Variants in P4HA1 observed in about 807,000 individuals in gnomAD.
The protein encoded by P4HA1 is prolyl 4-hydroxylase subunit alpha 1, also known as prolyl 4-hydroxylase subunit alpha-1.
P4HA1 carries 24 observed loss-of-function variants against 72.8 expected under a neutral mutation model. The observed-to-expected ratio is 0.33, with a 90% CI of 0.24 to 0.46. The LOEUF (loss-of-function observed/expected upper bound fraction) is 0.46, where lower values mean the gene tolerates loss of function less well. Ranked by LOEUF, P4HA1 falls within the 20% of genes least tolerant of loss-of-function variation. P4HA1 has a pLI of 1.00. For missense variants in P4HA1, 446 were observed against 640.6 expected (o/e 0.70, Z 3.28); for synonymous variants, 201 against 218.8 (o/e 0.92, Z 0.72).
rs200080730 is a variant in P4HA1, at chr10:73,058,119, AG to A, written c.464-4530del. ...AAAAAAAAAAAAAAAAAAAAAAAAAAGGTGAATAAAGACAACATTGATAGGG... is the reference window on the plus strand; with the variant it reads ...AAAAAAAAAAAAAAAAAAAAAAAAAAGTGAATAAAGACAACATTGATAGGG... On this transcript the variant is annotated intron_variant, in intron 5 of 14. Transcript: ENST00000394890. 1.7e-4 allele frequency among the ~76,000 whole-genome samples: 22 copies of A among 133,204 alleles called. 3 individuals are homozygous for A. Among genetic ancestry groups the A allele is most frequent in the African/African-American group, 7.3e-4 (20 of 27,318 alleles). 87.4% of individuals were successfully genotyped at this position (133,204 alleles called of 152,430 possible). A position where few individuals can be genotyped will look rare whatever the true frequency, so the allele number is the denominator to read the frequency against.
At chr10:73,023,181 A>G (rs1243149531) in intron 10 of P4HA1, among the ~76,000 whole-genome samples, 4 of 152,180 alleles carry the variant, frequency 2.6e-5, no homozygotes, top group African/African-American at 9.7e-5. Flanking sequence ...AGCAACCACA[A>G]GACACGTAAT....
At chr10:73,074,069 C>A (rs928649546) in intron 2 of P4HA1, 1 of 449,420 alleles carries the variant, frequency 2.2e-6, no homozygotes, top group Middle Eastern at 6.1e-4. Context: ...ACTGTGCTAG[C>A]AAATTGTCTT....
At chr10:73,082,225 T>C (rs1338296680) in intron 1 of P4HA1, among the ~76,000 whole-genome samples, 1 of 152,178 alleles carries the variant, frequency 6.6e-6, no homozygotes, top group Non-Finnish European at 1.5e-5. Flanking sequence ...CTTACAGTAT[T>C]TTCAACTTAC....
chr10:73,089,821 AG>A (rs1184283443), intron 1 of P4HA1, among the ~76,000 whole-genome samples: 1 of 151,982 alleles, frequency 6.6e-6, no homozygotes, highest in Non-Finnish European at 1.5e-5. Context: ...GGATACAGAG[AG>A]GGTAGTAAGG....
Position 73,027,825 on chromosome 10 carries a change from AGAGAGAGGAAGGAAGGGAGG to A in P4HA1, c.1248+2426_1248+2445del, listed in dbSNP as rs1250313789. Among the ~76,000 whole-genome samples the A allele has an allele frequency of 5.1e-5, 6 of 117,040 alleles. No individual in the cohort carries two copies. The East Asian group carries it at 8.8e-4, about 17-fold the overall frequency. The allele number at this position is 117,040 out of a possible 152,430, so 76.8% of individuals were successfully genotyped here. ...GGAAATATGGAAGGAAGGAAGGGAGAGAGAGAGGAAGGAAGGGAGGGAGAGAGGAGGGGAGGGAGGGAGAG... is the reference window on the plus strand; with the variant it reads ...GGAAATATGGAAGGAAGGAAGGGAGAGAGAGAGGAGGGGAGGGAGGGAGAG... On this transcript the variant is annotated intron_variant, in intron 10 of 14. Coordinates refer to ENST00000394890, the MANE Select transcript of P4HA1 (RefSeq NM_001017962.3).
At position 73,046,939 on chromosome 10, in the gene P4HA1, G is replaced by A. The variant is rs201204338; in HGVS notation, c.1063C>T (p.Leu355=). The stretch of plus-strand genomic sequence containing the variant: ...ACATTATTTACCCTTGGTTTTGCTA[G>A]GTCTTTGACGATTTCAATTTCTGCA... ...SDAEIEIVKD[L]AKPRLRRATI... Residue 355 remains leucine (L), a synonymous_variant, in exon 8 of 15, where the codon CTA becomes TTA. Coordinates refer to ENST00000394890, the MANE Select transcript of P4HA1 (RefSeq NM_001017962.3). The A allele has an allele frequency of 7.0e-5, 112 of 1,607,272 alleles. 4 individuals are homozygous for A. The South Asian group carries it at 1.2e-3, about 17-fold the overall frequency.
intron 10 of P4HA1, among the ~76,000 whole-genome samples, chr10:73,017,248 T>C (rs1024897947): frequency 1.3e-5 from 2 of 150,156 alleles, no homozygotes; most frequent in African/African-American, 5.0e-5. Flanking sequence ...TATCTATATC[T>C]ACAGATGTAT....
At chr10:73,017,869 A>C (rs1840044916) in intron 10 of P4HA1, among the ~76,000 whole-genome samples, 1 of 152,220 alleles carries the variant, frequency 6.6e-6, no homozygotes, top group Non-Finnish European at 1.5e-5. Context: ...TCTTTCCCTC[A>C]ATCACACAAC....
intron 5 of P4HA1, among the ~76,000 whole-genome samples, chr10:73,055,694 T>C (rs1841127782): frequency 1.3e-5 from 2 of 152,220 alleles, no homozygotes; most frequent in African/African-American, 4.8e-5. Context: ...TATTTGATAG[T>C]TCACATGAGA....
chr10:73,013,697 T>G (rs977177738), intron 12 of P4HA1, among the ~76,000 whole-genome samples: 1 of 152,214 alleles, frequency 6.6e-6, no homozygotes, highest in Non-Finnish European at 1.5e-5. Flanking sequence ...ATTTTAAAAA[T>G]TGAATTATGA....
At chr10:73,047,146 T>C (rs200046762) in intron 7 of P4HA1, 45 bp from the exon 8 acceptor site, 9 of 1,267,542 alleles carry the variant, frequency 7.1e-6, no homozygotes, top group African/African-American at 1.5e-5. Context: ...ACAGTAATAA[T>C]ACTTTTAATA....
At chr10:73,060,655 GA>G (rs997570532) in intron 5 of P4HA1, among the ~76,000 whole-genome samples, 1 of 151,584 alleles carries the variant, frequency 6.6e-6, no homozygotes, top group Non-Finnish European at 1.5e-5. Context: ...TAGAAACCTG[GA>G]AAAAAAACTG....
chr10:73,015,060 ACCT>A (rs1230720379), intron 11 of P4HA1, among the ~76,000 whole-genome samples: 4 of 151,646 alleles, frequency 2.6e-5, no homozygotes, highest in African/African-American at 4.8e-5. Flanking sequence ...TGAACTCCTG[ACCT>A]CAAGTGATCC....
chr10:73,053,408 A>G lies in P4HA1; in HGVS notation c.646T>C (p.Tyr216His), dbSNP rs1230788057. 4 of 1,614,072 alleles carry G rather than the reference A, an allele frequency of 2.5e-6. No individual in the cohort carries two copies. Among genetic ancestry groups the G allele is most frequent in the East Asian group, 2.2e-5 (1 of 44,882 alleles). The change falls in exon 6 of 15, where the codon TAT (tyrosine) becomes CAT (histidine). Residue 216 changes from tyrosine to histidine, a missense_variant. Transcript: ENST00000394890. ...GCCTTATCCAGGTCTCCCTGCTGAT[A>G]TACCGCATAGCTCAAATAATCTAGA... ...SVLDYLSYAV[Y>H]QQGDLDKALL... is the part of the protein sequence containing the mutation.
In P4HA1 at chr10:73,010,970, T is replaced by G; in HGVS notation, c.1436A>C (p.Lys479Thr). Residue 479 changes from lysine (K) to threonine (T), a missense_variant and splice_region_variant, in exon 13 of 15, where the codon AAA becomes ACA. By Grantham distance (78) the Lys-to-Thr change is moderately conservative. Transcript: ENST00000394890. ...PEVGASVWPK[K>T]GTAVFWYNLF... The stretch of plus-strand genomic sequence containing the variant: ...CAAAAACAAAACAAACAGGCTTACT[T>G]TTTTGGGCCAAACACTAGCTCCAAC... 6.2e-7 allele frequency: 1 copy of G among 1,612,736 alleles called. No homozygotes were observed. The highest frequency in any genetic ancestry group is 8.5e-7 in the Non-Finnish European group (1 of 1,178,938).
At chr10:73,072,425 C>T (rs1841585751) in intron 3 of P4HA1, among the ~76,000 whole-genome samples, 1 of 152,064 alleles carries the variant, frequency 6.6e-6, no homozygotes, top group Non-Finnish European at 1.5e-5. Flanking sequence ...TAAATGGAAC[C>T]TCCCTGTCTT....
chr10:73,009,705 T>A (rs891782155), intron 14 of P4HA1, 102 bp downstream of exon 14: 1 of 627,224 alleles, frequency 1.6e-6, no homozygotes, highest in African/African-American at 1.8e-5. Flanking sequence ...GTTAAAATCA[T>A]ATTAAGCAAA....
At chr10:73,064,738 G>A (rs903363880) in intron 5 of P4HA1, among the ~76,000 whole-genome samples, 1 of 151,526 alleles carries the variant, frequency 6.6e-6, no homozygotes, top group Non-Finnish European at 1.5e-5. Context: ...CTACTTGGGA[G>A]GCTGAGGCAA....
In P4HA1 at chr10:73,008,229, A is replaced by C. The variant is rs933702000; in HGVS notation, c.1598T>G (p.Leu533Trp). 1 of 1,600,350 alleles carries C rather than the reference A, an allele frequency of 6.2e-7. No individual in the cohort carries two copies. Among genetic ancestry groups the C allele is most frequent in the Admixed American group, 1.7e-5 (1 of 59,986 alleles). The change falls in exon 15 of 15, where the codon TTG (leucine) becomes TGG (tryptophan). Residue 533 changes from leucine to tryptophan, a missense_variant. Coordinates refer to ENST00000394890, the MANE Select transcript of P4HA1 (RefSeq NM_001017962.3). ...AAAAGGGAAGCCTGTTTGTCATTCCAATTCTGACAACGTACAAGGTCTTCG... is the reference window on the plus strand; with the variant it reads ...AAAAGGGAAGCCTGTTTGTCATTCCCATTCTGACAACGTACAAGGTCTTCG... ...EFRRPCTLSE[L>W]E
Sources: allele counts gnomAD v4.1 joint callset (sites outside exome capture counted in the v4.1 genomes callset), GRCh38; gene constraint gnomAD v4.1.1; transcripts MANE v1.5; gene names NCBI Gene and HGNC (gene_info 2026-07-23, HGNC 2026-07-21).